The following POU1F1 variants were observed in gnomAD, a reference collection of about 807,000 sequenced individuals.
POU1F1 encodes POU class 1 homeobox 1.
POU1F1 carries 23 observed loss-of-function variants against 32.3 expected under a neutral mutation model. The observed-to-expected ratio is 0.71, with a 90% CI of 0.51 to 1.01. The LOEUF (loss-of-function observed/expected upper bound fraction) is 1.01. Ranked by LOEUF, POU1F1 falls within the 50% of genes least tolerant of loss-of-function variation. The pLI, the probability that POU1F1 is intolerant of heterozygous loss-of-function variation, is 0.00. For missense variants in POU1F1, 323 were observed against 341.6 expected, an observed-to-expected ratio of 0.95 and a Z score of 0.43; for synonymous variants, 120 against 115.6, an observed-to-expected ratio of 1.04 and a Z score of -0.25.
chr3:87,276,264 C>A (rs931818516), intron 1 of POU1F1, 57 bp downstream of exon 1: 4 of 1,559,948 alleles, frequency 2.6e-6, no homozygotes, highest in Non-Finnish European at 3.5e-6. Flanking sequence ...AGATTCAAAG[C>A]ATTCATTCTG....
At chr3:87,269,594 ATAGAC>A (rs1202495387) in intron 2 of POU1F1, among the ~76,000 whole-genome samples, 1 of 152,146 alleles carries the variant, frequency 6.6e-6, no homozygotes, top group Non-Finnish European at 1.5e-5. Flanking sequence ...GGTTCCAAAA[ATAGAC>A]TAGACTATTT....
chr3:87,268,114 G>A (rs1227423971), intron 2 of POU1F1, among the ~76,000 whole-genome samples: 8 of 119,322 alleles, frequency 6.7e-5, no homozygotes, highest in East Asian at 4.8e-4. Flanking sequence ...TTGACACAGC[G>A]TCTCGCTCTT....
At chr3:87,269,366 A>G (rs757221410) in intron 2 of POU1F1, among the ~76,000 whole-genome samples, 3 of 152,144 alleles carry the variant, frequency 2.0e-5, no homozygotes, top group Non-Finnish European at 2.9e-5. Context: ...CTGGTTCTTT[A>G]CAGAAAAGGG....
chr3:87,266,291 AAATTT>A (rs1706620564), intron 2 of POU1F1, among the ~76,000 whole-genome samples: 2 of 146,714 alleles, frequency 1.4e-5, no homozygotes, highest in Admixed American at 6.8e-5. Context: ...AATTTTATAT[AAATTT>A]AATTTAATGT....
chr3:87,260,850 TATTAC>T (rs1458210552), intron 5 of POU1F1, among the ~76,000 whole-genome samples: 1 of 150,270 alleles, frequency 6.7e-6, no homozygotes, highest in African/African-American at 2.4e-5. Flanking sequence ...AAAATTAAGT[TATTAC>T]ATTATTATTA....
At position 87,276,339 on chromosome 3, in the gene POU1F1, T is replaced by G; in HGVS notation, c.124A>C (p.Thr42Pro). ...TCAGTACCTGTAGACATCACATTGG[T>G]GGCATGGTTGGAGACTGGTAGACAC... ...AECLPVSNHA[T>P]NVMSTATGLH... Residue 42 changes from threonine (T) to proline (P), a missense_variant, in exon 1 of 6, where the codon ACC becomes CCC. Thr to Pro is a conservative substitution (Grantham distance 38, BLOSUM62 -1). Transcript: ENST00000350375. 1 of 1,613,956 alleles carries G rather than the reference T, an allele frequency of 6.2e-7. No individual in the cohort carries two copies.
At chr3:87,262,736 A>G (rs569416148) in intron 3 of POU1F1, among the ~76,000 whole-genome samples, 2 of 152,170 alleles carry the variant, frequency 1.3e-5, no homozygotes, top group East Asian at 3.9e-4. Context: ...TTTCCCTAAA[A>G]CCATATTTAT....
In POU1F1 at chr3:87,261,454, TG is replaced by T. The variant is rs1373597420; in HGVS notation, c.605-122del. 8.9e-6 allele frequency: 7 copies of T among 790,584 alleles called. No homozygotes were observed. In the East Asian group the frequency reaches 1.9e-4, roughly 22 times the overall value. 49.0% of individuals were successfully genotyped at this position (790,584 alleles called of 1,614,324 possible). ...GCAAAATAAAAATGCTAGACATTTTTGTCTTAAATTTTTGCAGTCTTTTTCT... is the reference window on the plus strand; with the variant it reads ...GCAAAATAAAAATGCTAGACATTTTTTCTTAAATTTTTGCAGTCTTTTTCT... On this transcript the variant is annotated intron_variant, in intron 4 of 5. Transcript: ENST00000350375.
intron 2 of POU1F1, among the ~76,000 whole-genome samples, chr3:87,270,280 A>G (rs1228052525): frequency 6.6e-6 from 1 of 152,178 alleles, no homozygotes. Flanking sequence ...TACCCACCAC[A>G]ACGTAGATAT....
chr3:87,261,964 G>T, intron 4 of POU1F1, 107 bp downstream of exon 4: 4 of 1,315,250 alleles, frequency 3.0e-6, no homozygotes, highest in Non-Finnish European at 4.3e-6. Flanking sequence ...AAGAGAAAAG[G>T]CGGAAAAAAA....
At chr3:87,269,029 CAG>C (rs1217383858) in intron 2 of POU1F1, among the ~76,000 whole-genome samples, 9 of 152,078 alleles carry the variant, frequency 5.9e-5, no homozygotes, top group East Asian at 3.9e-4. Flanking sequence ...AAAAAACAAA[CAG>C]GGGAAGCAGA....
rs1418782481 is a variant in POU1F1 at position 87,260,071 on chromosome 3, A to G, written c.699T>C (p.Phe233=). 2 of 1,613,842 alleles carry G rather than the reference A, an allele frequency of 1.2e-6. No individual in the cohort carries two copies. Among genetic ancestry groups the G allele is most frequent in the Non-Finnish European group, 1.7e-6 (2 of 1,179,982 alleles). ...GAGAAGAAGGTTTATTCTGTTCTCC[A>G]AAGTGTCTCTCCAGAGCATCTTTAG... ...IAAKDALERH[F]GEQNKPSSQE... is the part of the protein sequence containing the mutation. Residue 233 remains phenylalanine, a synonymous_variant, in exon 6 of 6, where the codon TTT becomes TTC. Transcript: ENST00000350375.
intron 5 of POU1F1, among the ~76,000 whole-genome samples, chr3:87,261,004 A>G (rs1575975923): frequency 6.6e-6 from 1 of 151,702 alleles, no homozygotes; most frequent in South Asian, 2.1e-4. Flanking sequence ...TCCGCCTCCC[A>G]GGTTCAAGCC....
In POU1F1 at chr3:87,276,562, C is replaced by A. The variant is rs1289086652; in HGVS notation, c.-100G>T. 15 of 1,364,670 alleles carry A rather than the reference C, an allele frequency of 1.1e-5. No individual in the cohort carries two copies. The highest frequency in any genetic ancestry group is 2.9e-5 in the African/African-American group (2 of 69,266). 84.5% of individuals were successfully genotyped at this position (1,364,670 alleles called of 1,614,324 possible). ...GGGCCGATTCAATTCTCACTACCTG[C>A]ATATATACATCAGGAAGGCTCTGAG... On this transcript the variant is annotated 5_prime_UTR_variant, in exon 1 of 6. The change abolishes an upstream ATG in the 5' untranslated region. Transcript: ENST00000350375.
chr3:87,260,868 TTTTTTTTA>T (rs150808640), intron 5 of POU1F1, among the ~76,000 whole-genome samples: 44,044 of 139,852 alleles, frequency 0.31, 7,342 homozygotes, highest in African/African-American at 0.35. Context: ...TATTATTATT[TTTTTTTTA>T]TTTATTTATT....
In POU1F1 at chr3:87,276,387, T is replaced by C. The variant is rs1706826722; in HGVS notation, c.76A>G (p.Ile26Val). The change falls in exon 1 of 6, where the codon ATA becomes GTA. Residue 26 changes from isoleucine to valine, a missense_variant. Ile to Val is a conservative substitution (Grantham distance 29, BLOSUM62 3). Coordinates refer to ENST00000350375, the MANE Select transcript of POU1F1 (RefSeq NM_000306.4). The part of the protein sequence containing the change: ...NSDASATLPL[I>V]MHHSAAECLP... ...CACTCGGCAGCACTGTGATGCATTA[T>C]CAGAGGCAGAGTTGCAGAGGCGTCA... The C allele has an allele frequency of 6.2e-7, 1 of 1,613,888 alleles. No homozygotes were observed. Among genetic ancestry groups the C allele is most frequent in the South Asian group, 1.1e-5 (1 of 91,088 alleles).
In POU1F1 at chr3:87,259,935, T is replaced by G; in HGVS notation, c.835A>C (p.Ser279Arg). 1 of 1,614,114 alleles carries G rather than the reference T, an allele frequency of 6.2e-7. No individual in the cohort carries two copies. The highest frequency in any genetic ancestry group is 8.5e-7 in the Non-Finnish European group (1 of 1,180,002). The change falls in exon 6 of 6, where the codon AGT (serine) becomes CGT (arginine). Residue 279 changes from serine (S) to arginine (R), a missense_variant. Transcript: ENST00000350375. ...TGTTCCTTAGAAATAGAAAATAAAC[T>G]CTGATTCAGACTTGTTTTCACCCGT... ...EKRVKTSLNQSLFSISKEHLE... is the reference protein window; with the variant it reads ...EKRVKTSLNQRLFSISKEHLE...
intron 4 of POU1F1, 42 bp from the exon 5 acceptor site, chr3:87,261,375 A>G (rs1215554774): frequency 1.4e-6 from 2 of 1,433,532 alleles, no homozygotes; most frequent in Non-Finnish European, 1.9e-6. Context: ...CACAAAGTAG[A>G]CTTTTTATAA....
chr3:87,259,887 A>T lies in POU1F1; in HGVS notation c.*7T>A, dbSNP rs773347042. On this transcript the variant is annotated 3_prime_UTR_variant, in exon 6 of 6. Coordinates refer to ENST00000350375, the MANE Select transcript of POU1F1 (RefSeq NM_000306.4). ...GGAGAAAAAGGCTATTATACAATAG[A>T]AAAATCTTATCTGCACTCAAGATGT... The T allele has an allele frequency of 6.2e-6, 10 of 1,609,034 alleles. 1 individual carries two copies. In the South Asian group the frequency reaches 1.1e-4, roughly 18 times the overall value.
Sources: allele counts gnomAD v4.1 joint callset (sites outside exome capture counted in the v4.1 genomes callset), GRCh38; gene constraint gnomAD v4.1.1; transcripts MANE v1.5; gene names NCBI Gene and HGNC (gene_info 2026-07-23, HGNC 2026-07-21).